Variants in AHI1 observed in about 807,000 individuals in gnomAD.
AHI1 encodes Abelson helper integration site 1, also known as jouberin.
A neutral mutation model predicts 149.3 loss-of-function variants in AHI1; 123 were observed. The ratio of observed to expected loss-of-function variants is 0.82; its 90% CI spans 0.71 to 0.96. The LOEUF is 0.96. AHI1 is among the 40% of genes least tolerant of loss of function. AHI1 has a pLI of 0.00. For synonymous variants in AHI1, 475 were observed against 459.8 expected (o/e 1.03, Z -0.42); for missense variants, 1,439 against 1,422.7 (o/e 1.01, Z -0.18).
At chr6:135,480,336 T>C (rs1434457918) in intron 5 of AHI1, among the ~76,000 whole-genome samples, 1 of 152,076 alleles carries the variant, frequency 6.6e-6, no homozygotes, top group Non-Finnish European at 1.5e-5. Flanking sequence ...TGTGCACCTG[T>C]AGTCCAAGCT....
intron 20 of AHI1, among the ~76,000 whole-genome samples, chr6:135,425,787 AAAACC>A: frequency 6.6e-6 from 1 of 151,926 alleles, no homozygotes; most frequent in East Asian, 1.9e-4. Context: ...TTACTGCCTA[AAAACC>A]AAACTGGCAA....
At chr6:135,331,231 A>T (rs928908388) in intron 24 of AHI1, among the ~76,000 whole-genome samples, 2 of 152,214 alleles carry the variant, frequency 1.3e-5, no homozygotes, top group African/African-American at 2.4e-5. Flanking sequence ...ACACGAGCTA[A>T]TATGTCCATC....
intron 20 of AHI1, among the ~76,000 whole-genome samples, chr6:135,416,307 TA>T (rs976437993): frequency 6.7e-6 from 1 of 150,142 alleles, no homozygotes; most frequent in Non-Finnish European, 1.5e-5. Flanking sequence ...CTGTGTCCAA[TA>T]AAAATATATT....
chr6:135,433,817 T>C (rs892005569), intron 15 of AHI1, among the ~76,000 whole-genome samples: 18 of 152,016 alleles, frequency 1.2e-4, no homozygotes, highest in Admixed American at 9.8e-4. Context: ...AAGATTAAAA[T>C]AATTATGACA....
At chr6:135,471,295 TTGTC>T (rs1791652497) in intron 5 of AHI1, among the ~76,000 whole-genome samples, 1 of 152,206 alleles carries the variant, frequency 6.6e-6, no homozygotes, top group Admixed American at 6.5e-5. Flanking sequence ...TATTATTAAT[TTGTC>T]TTTTTCTTTA....
intron 5 of AHI1, among the ~76,000 whole-genome samples, chr6:135,476,672 C>G (rs1458984777): frequency 6.6e-6 from 1 of 152,022 alleles, no homozygotes; most frequent in Non-Finnish European, 1.5e-5. Context: ...GAGTTTCATA[C>G]ACAGTCAGTT....
intron 22 of AHI1, among the ~76,000 whole-genome samples, chr6:135,401,001 A>T (rs566059737): frequency 2.8e-4 from 42 of 152,246 alleles, no homozygotes; most frequent in African/African-American, 9.9e-4. Flanking sequence ...AGCAAAATAA[A>T]CTTCTAAATT....
At chr6:135,482,834 C>T (rs1793884412) in intron 5 of AHI1, among the ~76,000 whole-genome samples, 1 of 143,882 alleles carries the variant, frequency 7.0e-6, no homozygotes, top group Admixed American at 7.2e-5. Context: ...CCTTTAAATA[C>T]TGCTGGGCTT....
At chr6:135,360,210 A>G (rs1012999445) in intron 23 of AHI1, among the ~76,000 whole-genome samples, 12 of 152,198 alleles carry the variant, frequency 7.9e-5, no homozygotes, top group African/African-American at 9.6e-5. Flanking sequence ...AAAGCTCATA[A>G]TAAGTAGCAT....
At chr6:135,413,767 TAAAAAAAGTGACATACTTTGGGG>T (rs1781947082) in intron 20 of AHI1, among the ~76,000 whole-genome samples, 1 of 151,460 alleles carries the variant, frequency 6.6e-6, no homozygotes, top group Non-Finnish European at 1.5e-5. Context: ...TACTATGGCA[TAAAAAAAGTGACATACTTTGGGG>T]AAAAAAAGGA....
chr6:135,422,619 TTATGTATGTATGTATGTATG>T (rs71006761), intron 20 of AHI1, among the ~76,000 whole-genome samples: 1 of 147,724 alleles, frequency 6.8e-6, no homozygotes. Flanking sequence ...AGTTTTATTT[TTATGTATGTATGTATGTATG>T]TATGTATGTA....
intron 23 of AHI1, among the ~76,000 whole-genome samples, chr6:135,367,422 C>T (rs113092480): frequency 1.3e-5 from 2 of 152,098 alleles, no homozygotes; most frequent in Non-Finnish European, 2.9e-5. Context: ...AGACCAGGGA[C>T]GTTTCCCTAG....
At chr6:135,364,711 G>A (rs1433191573) in intron 23 of AHI1, among the ~76,000 whole-genome samples, 20 of 152,286 alleles carry the variant, frequency 1.3e-4, no homozygotes, top group East Asian at 5.8e-4. Flanking sequence ...CCAACACAGC[G>A]AATCCCCGTC....
intron 24 of AHI1, among the ~76,000 whole-genome samples, chr6:135,335,850 C>T (rs867924433): frequency 3.3e-5 from 5 of 152,020 alleles, no homozygotes; most frequent in Non-Finnish European, 4.4e-5. Flanking sequence ...ACAGGACCGG[C>T]GTGGTGGCTC....
intron 24 of AHI1, among the ~76,000 whole-genome samples, chr6:135,351,081 AG>A (rs1423939038): frequency 1.3e-5 from 2 of 151,862 alleles, no homozygotes; most frequent in African/African-American, 4.8e-5. Flanking sequence ...CATTGATTTC[AG>A]GGAAGAGTCA....
intron 26 of AHI1, 121 bp from the exon 27 acceptor site, chr6:135,300,679 C>A (rs1783758971): frequency 1.3e-6 from 2 of 1,508,864 alleles, no homozygotes; most frequent in Non-Finnish European, 8.9e-7. Context: ...CTGTTCTGAA[C>A]AGGAATATCT....
chr6:135,438,532 C>T, intron 14 of AHI1, 34 bp from the exon 15 acceptor site: 1 of 1,496,202 alleles, frequency 6.7e-7, no homozygotes, highest in South Asian at 1.3e-5. Flanking sequence ...GGTTTCCAGA[C>T]AGAAGATCCT....
intron 22 of AHI1, among the ~76,000 whole-genome samples, chr6:135,403,928 G>A (rs1186640067): frequency 6.6e-6 from 1 of 151,328 alleles, no homozygotes; most frequent in African/African-American, 2.4e-5. Context: ...TTTCTGACAT[G>A]TTCCTCCCTC....
chr6:135,389,547 T>C (rs891994893), intron 23 of AHI1, among the ~76,000 whole-genome samples: 3 of 152,088 alleles, frequency 2.0e-5, no homozygotes, highest in Non-Finnish European at 2.9e-5. Flanking sequence ...CAAATAAAAT[T>C]TGGAGAAGGC....
Sources: allele counts gnomAD v4.1 joint callset (sites outside exome capture counted in the v4.1 genomes callset), GRCh38; gene constraint gnomAD v4.1.1; transcripts MANE v1.5; gene names NCBI Gene and HGNC (gene_info 2026-07-23, HGNC 2026-07-21).